The following DPH6 variants were observed in gnomAD, a reference collection of about 807,000 sequenced individuals.
DPH6 encodes the protein diphthamine biosynthesis 6.
A neutral mutation model predicts 38.2 loss-of-function variants in DPH6; 33 were observed. The observed-to-expected ratio is 0.86, with a 90% CI of 0.65 to 1.15. The LOEUF is 1.15. DPH6 is among the 50% of genes most tolerant of loss of function. The probability of loss-of-function intolerance (pLI) is 0.00; values close to 1 mark genes in which losing one functional copy is unlikely to be tolerated. For missense variants in DPH6, 325 were observed against 320.0 expected, an observed-to-expected ratio of 1.02 and a Z score of -0.12; for synonymous variants, 108 against 103.0, an observed-to-expected ratio of 1.05 and a Z score of -0.30.
intron 3 of DPH6, among the ~76,000 whole-genome samples, chr15:35,498,344 T>C (rs1157166617): frequency 2.6e-5 from 4 of 152,172 alleles, no homozygotes; most frequent in Non-Finnish European, 5.9e-5. Flanking sequence ...TACTCCCCTA[T>C]CTCTCCTTCA....
chr15:35,494,932 G>T (rs1476522285), intron 3 of DPH6, among the ~76,000 whole-genome samples: 8 of 152,082 alleles, frequency 5.3e-5, no homozygotes, highest in Non-Finnish European at 1.2e-4. Flanking sequence ...GGAAAAAAAT[G>T]TCATTATTCA....
At chr15:35,376,111 A>G (rs1297678962) in intron 7 of DPH6, among the ~76,000 whole-genome samples, 1 of 152,206 alleles carries the variant, frequency 6.6e-6, no homozygotes, top group Non-Finnish European at 1.5e-5. Context: ...CTTTCATAAC[A>G]CATCCACTAC....
intron 5 of DPH6, among the ~76,000 whole-genome samples, chr15:35,423,434 T>G (rs1254322645): frequency 6.6e-6 from 1 of 151,806 alleles, no homozygotes; most frequent in African/African-American, 2.4e-5. Context: ...CCTTATATAT[T>G]TTAAATGTTA....
rs2052869047 is a variant in DPH6 at position 35,381,717 on chromosome 15, A to G, written c.662+105T>C. 6 of 809,992 alleles carry G rather than the reference A, an allele frequency of 7.4e-6. No homozygotes were observed. The Admixed American group carries it at 1.3e-4, about 18-fold the overall frequency. The allele number at this position is 809,992 out of a possible 1,614,324, so 50.2% of individuals were successfully genotyped here. On this transcript the variant is annotated intron_variant, in intron 7 of 8. Transcript: ENST00000256538. ...AATTGAGTGTTTGTGAACTTAGAAG[A>G]CATGTTCTATTTTTCCCAACAAAAG...
chr15:35,199,644 T>C, the DPH6 span, among the ~76,000 whole-genome samples: 2 of 152,112 alleles, frequency 1.3e-5, no homozygotes, highest in Non-Finnish European at 2.9e-5. Flanking sequence ...TATCATGCTA[T>C]TTTAAAATGT....
the DPH6 span, among the ~76,000 whole-genome samples, chr15:35,160,448 C>T: frequency 1.3e-5 from 2 of 151,718 alleles, no homozygotes; most frequent in Non-Finnish European, 2.9e-5. Context: ...TTTCTTTTCT[C>T]AACTTTTATT....
intron 3 of DPH6, among the ~76,000 whole-genome samples, chr15:35,231,170 G>A (rs1305228311): frequency 6.6e-6 from 1 of 152,208 alleles, no homozygotes; most frequent in Non-Finnish European, 1.5e-5. Flanking sequence ...GAGGCTTGCA[G>A]GAATTGGAGT....
chr15:35,347,871 T>G (rs888041523), intron 3 of DPH6, among the ~76,000 whole-genome samples: 9 of 152,112 alleles, frequency 5.9e-5, no homozygotes, highest in African/African-American at 2.2e-4. Context: ...ATATCATTGT[T>G]GTTTTGATTT....
intron 6 of DPH6, among the ~76,000 whole-genome samples, chr15:35,407,123 T>A (rs1157420768): frequency 3.9e-5 from 6 of 151,980 alleles, no homozygotes; most frequent in Non-Finnish European, 8.8e-5. Context: ...CTGAAATGTG[T>A]CAGTGGTATT....
rs13313445 is a variant in DPH6, at chr15:35,261,018, T to A, written n.201-40436A>T. On this transcript the variant is annotated intron_variant and non_coding_transcript_variant, in intron 3 of 3. Transcript: ENST00000560386. ...TAGTTATTCATGTCTTGACTATTGA[T>A]TTACATAAGGAAATTCCCGGAAGTC... Among the ~76,000 whole-genome samples the A allele has an allele frequency of 7.7e-3, 1,172 of 152,330 alleles. 25 individuals are homozygous for A. The highest frequency in any genetic ancestry group is 0.027 in the African/African-American group (1,113 of 41,562).
intron 3 of DPH6, among the ~76,000 whole-genome samples, chr15:35,356,667 G>C (rs1301615600): frequency 6.6e-6 from 1 of 152,086 alleles, no homozygotes; most frequent in Non-Finnish European, 1.5e-5. Context: ...GGAGTACCTG[G>C]CCATGTGAGG....
chr15:35,419,062 CACACAT>C (rs968595036), intron 5 of DPH6, among the ~76,000 whole-genome samples: 5 of 141,112 alleles, frequency 3.5e-5, no homozygotes, highest in African/African-American at 8.9e-5. Context: ...CTAAAACACA[CACACAT>C]ACACACACAC....
At chr15:35,364,728 A>T (rs1252027507) in intron 3 of DPH6, among the ~76,000 whole-genome samples, 1 of 151,508 alleles carries the variant, frequency 6.6e-6, no homozygotes, top group African/African-American at 2.4e-5. Context: ...TGTTTCCAGC[A>T]GTTTTACCAT....
chr15:35,394,071 C>T (rs1212362186), intron 6 of DPH6, among the ~76,000 whole-genome samples: 1 of 152,126 alleles, frequency 6.6e-6, no homozygotes, highest in African/African-American at 2.4e-5. Context: ...TTACGCTTCT[C>T]TGACTCCTTT....
chr15:35,339,355 C>T (rs1040922151), intron 3 of DPH6, among the ~76,000 whole-genome samples: 3 of 150,278 alleles, frequency 2.0e-5, no homozygotes, highest in South Asian at 2.1e-4. Context: ...GATGGAGTTT[C>T]GCTCTGTCAC....
Position 35,285,872 on chromosome 15 carries a change from G to T in DPH6, n.201-65290C>A, listed in dbSNP as rs201485103. ...GACTCAATTATCATTTTATCTTTGA[G>T]TTTTTTTTTTTTTTTTTACCTGAGA... On this transcript the variant is annotated intron_variant and non_coding_transcript_variant, in intron 3 of 3. Coordinates refer to the DPH6 transcript ENST00000560386. Among the ~76,000 whole-genome samples the T allele has an allele frequency of 1.7e-3, 91 of 52,796 alleles. 1 individual carries two copies. Among genetic ancestry groups the T allele is most frequent in the South Asian group, 4.7e-3 (5 of 1,066 alleles). 34.6% of individuals were successfully genotyped at this position (52,796 alleles called of 152,430 possible).
chr15:35,366,465 T>TG (rs2052661579), downstream of DPH6, among the ~76,000 whole-genome samples: 1 of 151,976 alleles, frequency 6.6e-6, no homozygotes, highest in East Asian at 1.9e-4. Flanking sequence ...CTCACTATAC[T>TG]GCTCTCTCTT....
intron 3 of DPH6, among the ~76,000 whole-genome samples, chr15:35,293,341 C>T (rs558202499): frequency 5.3e-5 from 8 of 152,308 alleles, no homozygotes; most frequent in African/African-American, 1.7e-4. Context: ...TAAACCGGAA[C>T]TATTTTCTTT....
chr15:35,262,747 T>C (rs1321620519), intron 3 of DPH6, among the ~76,000 whole-genome samples: 4 of 144,608 alleles, frequency 2.8e-5, no homozygotes, highest in Admixed American at 6.8e-5. Flanking sequence ...GATATCTTAA[T>C]GAATAGCCAT....
Sources: allele counts gnomAD v4.1 joint callset (sites outside exome capture counted in the v4.1 genomes callset), GRCh38; gene constraint gnomAD v4.1.1; transcripts MANE v1.5; gene names NCBI Gene and HGNC (gene_info 2026-07-23, HGNC 2026-07-21).